ACAD10: variants seen among roughly 807,000 people sequenced by gnomAD.
The protein encoded by ACAD10 is ACAD-10.
A neutral mutation model predicts 116.8 loss-of-function variants in ACAD10; 112 were observed. The observed-to-expected ratio is 0.96, with a 90% CI of 0.82 to 1.12. The LOEUF (loss-of-function observed/expected upper bound fraction) is 1.12. Ranked by LOEUF, ACAD10 falls within the 50% of genes most tolerant of loss-of-function variation. The probability of loss-of-function intolerance (pLI) is 0.00; values close to 1 mark genes in which losing one functional copy is unlikely to be tolerated. For synonymous variants in ACAD10, 486 were observed against 510.6 expected, an observed-to-expected ratio of 0.95 and a Z score of 0.65; for missense variants, 1,259 against 1,350.2, an observed-to-expected ratio of 0.93 and a Z score of 1.06.
chr12:111,737,109 G>T (rs770379248), intron 12 of ACAD10, 105 bp downstream of exon 12: 2 of 1,055,702 alleles, frequency 1.9e-6, no homozygotes, highest in South Asian at 4.1e-5. Flanking sequence ...TGGAGAGACC[G>T]ATTTGGCCAG....
At chr12:111,739,154 A>C (rs967924734) in intron 12 of ACAD10, among the ~76,000 whole-genome samples, 1 of 152,224 alleles carries the variant, frequency 6.6e-6, no homozygotes, top group South Asian at 2.1e-4. Flanking sequence ...CTCCTAATGC[A>C]TTAATGGATG....
At chr12:111,723,236 A>G (rs1443477861) in intron 8 of ACAD10, among the ~76,000 whole-genome samples, 1 of 111,046 alleles carries the variant, frequency 9.0e-6, no homozygotes, top group African/African-American at 3.5e-5. Flanking sequence ...CTGGCCGGGC[A>G]GAGGGGCTCC....
In ACAD10 at chr12:111,754,854, G is replaced by A. The variant is rs561304041; in HGVS notation, c.2962-814G>A. The stretch of plus-strand genomic sequence containing the variant: ...TCAGTGTGTGCTGGCTGTGTTCCCC[G>A]TCATCTGGGAAGACAGCCACATTCT... On this transcript the variant is annotated intron_variant, in intron 19 of 20. Transcript: ENST00000313698. Among the ~76,000 whole-genome samples, 8 of 152,312 alleles carry A rather than the reference G, an allele frequency of 5.3e-5. No homozygotes were observed. The South Asian group carries it at 6.2e-4, about 12-fold the overall frequency.
chr12:111,734,206 T>A, intron 11 of ACAD10, 138 bp downstream of exon 11: 2 of 1,198,438 alleles, frequency 1.7e-6, no homozygotes, highest in East Asian at 2.5e-5. Flanking sequence ...GAAACATAAC[T>A]AGAATGCAGT....
At chr12:111,736,733 T>C in intron 11 of ACAD10, 98 bp from the exon 12 acceptor site, 7 of 1,293,532 alleles carry the variant, frequency 5.4e-6, no homozygotes, top group Non-Finnish European at 7.3e-6. Flanking sequence ...GAAACTAATT[T>C]GCAAGGGACA....
At chr12:111,744,385 C>CG (rs1386457103) in intron 12 of ACAD10, among the ~76,000 whole-genome samples, 1 of 152,146 alleles carries the variant, frequency 6.6e-6, no homozygotes, top group Non-Finnish European at 1.5e-5. Flanking sequence ...GGACTCTGGC[C>CG]CCCAGCCCCC....
chr12:111,696,896 G>A (rs943901207), intron 2 of ACAD10, among the ~76,000 whole-genome samples: 2 of 151,864 alleles, frequency 1.3e-5, no homozygotes, highest in Non-Finnish European at 2.9e-5. Flanking sequence ...CTTGGCTAAC[G>A]TGGTGAAACC....
At chr12:111,712,757 A>T in intron 6 of ACAD10, 100 bp downstream of exon 6, 3 of 1,367,544 alleles carry the variant, frequency 2.2e-6, no homozygotes, top group Non-Finnish European at 3.0e-6. Context: ...GGAGACAAAG[A>T]AGCTTTACAG....
chr12:111,739,357 A>G (rs1400737831), intron 12 of ACAD10, among the ~76,000 whole-genome samples: 1 of 152,232 alleles, frequency 6.6e-6, no homozygotes, highest in Non-Finnish European at 1.5e-5. Flanking sequence ...CACAAAATCC[A>G]GATTCTGGAA....
At chr12:111,718,930 C>T (rs1044232346) in intron 7 of ACAD10, among the ~76,000 whole-genome samples, 20 of 151,876 alleles carry the variant, frequency 1.3e-4, no homozygotes, top group Non-Finnish European at 2.9e-4. Flanking sequence ...CATGGTGAAA[C>T]CCTGTCTCTA....
chr12:111,692,987 A>G (rs1489524160), intron 2 of ACAD10, 91 bp downstream of exon 2: 1 of 1,431,390 alleles, frequency 7.0e-7, no homozygotes, highest in Non-Finnish European at 9.6e-7. Context: ...ACACTTGGGC[A>G]GCAGTGTGTC....
chr12:111,756,431 C>T lies in ACAD10; in HGVS notation c.3138C>T (p.His1046=). 6.2e-7 allele frequency: 1 copy of T among 1,612,648 alleles called. No individual in the cohort carries two copies. Among genetic ancestry groups the T allele is most frequent in the Non-Finnish European group, 8.5e-7 (1 of 1,179,850 alleles). ...LRFADGPDEV[H]RATVAKLELK... Reference sequence around the variant, plus strand: ...TTGCCGACGGCCCTGACGAGGTGCACCGGGCCACGGTGGCCAAGCTAGAGC... The same window carrying T: ...TTGCCGACGGCCCTGACGAGGTGCATCGGGCCACGGTGGCCAAGCTAGAGC... The change falls in exon 21 of 21, where the codon CAC becomes CAT. Residue 1046 remains histidine, a synonymous_variant. Coordinates refer to ENST00000313698, the MANE Select transcript of ACAD10 (RefSeq NM_025247.6).
At chr12:111,717,354 A>G (rs1888875586) in intron 7 of ACAD10, among the ~76,000 whole-genome samples, 1 of 151,834 alleles carries the variant, frequency 6.6e-6, no homozygotes, top group Non-Finnish European at 1.5e-5. Flanking sequence ...CTCAAAAAAA[A>G]AAAAAAAAAA....
intron 16 of ACAD10, among the ~76,000 whole-genome samples, chr12:111,747,894 ACTTAGGTCC>A (rs1017915649): frequency 2.6e-4 from 39 of 152,128 alleles, no homozygotes; most frequent in African/African-American, 9.2e-4. Flanking sequence ...CCGCACTCAG[ACTTAGGTCC>A]CTTGCCTGGG....
chr12:111,710,768 T>C (rs1172417349), intron 5 of ACAD10, among the ~76,000 whole-genome samples: 1 of 151,966 alleles, frequency 6.6e-6, no homozygotes, highest in Non-Finnish European at 1.5e-5. Flanking sequence ...ATTCACGGCC[T>C]CACCACGCCC....
intron 6 of ACAD10, chr12:111,715,554 A>G: frequency 2.4e-6 from 1 of 408,706 alleles, no homozygotes; most frequent in Non-Finnish European, 4.5e-6. Flanking sequence ...AAAATTGGAC[A>G]CCTGCACAAA....
intron 6 of ACAD10, 35 bp from the exon 7 acceptor site, chr12:111,715,786 G>A: frequency 6.2e-7 from 1 of 1,613,876 alleles, no homozygotes; most frequent in Admixed American, 1.7e-5. Flanking sequence ...GTCCTCCAGG[G>A]CTGGTTTGAG....
intron 8 of ACAD10, among the ~76,000 whole-genome samples, chr12:111,723,417 G>A (rs1426176247): frequency 2.2e-5 from 3 of 133,734 alleles, no homozygotes; most frequent in African/African-American, 8.4e-5. Flanking sequence ...CCGGGCGGGG[G>A]GCTGACCCCC....
chr12:111,687,841 A>G (rs768716620), intron 1 of ACAD10, among the ~76,000 whole-genome samples: 4 of 151,704 alleles, frequency 2.6e-5, no homozygotes, highest in African/African-American at 4.8e-5. Flanking sequence ...CAGAACGAAC[A>G]TTCTTTATCT....
Sources: allele counts gnomAD v4.1 joint callset (sites outside exome capture counted in the v4.1 genomes callset), GRCh38; gene constraint gnomAD v4.1.1; transcripts MANE v1.5; gene names NCBI Gene and HGNC (gene_info 2026-07-23, HGNC 2026-07-21).